The following P2RY4 variants were observed in gnomAD, a reference collection of about 807,000 sequenced individuals.
The protein encoded by P2RY4 is pyrimidinergic receptor P2Y4.
For missense variants in P2RY4, 291 were observed against 308.5 expected (o/e 0.94, Z 0.42); for synonymous variants, 121 against 131.6 (o/e 0.92, Z 0.55).
rs61616516 is a variant in P2RY4, at chrX:70,260,109, TGCCTACA to T, written c.-492_-486del. Among the ~76,000 whole-genome samples the T allele has an allele frequency of 2.3e-4, 26 of 111,882 alleles. No individual in the cohort carries two copies. Among genetic ancestry groups the T allele is most frequent in the African/African-American group, 7.8e-4 (24 of 30,783 alleles). On this transcript the variant is annotated 5_prime_UTR_variant, in exon 1 of 1. It introduces an in-frame stop codon into an upstream open reading frame of the 5' UTR. Coordinates refer to ENST00000374519, the MANE Select transcript of P2RY4 (RefSeq NM_002565.4). ...TACCTATGACACCTTCCCCACTGCC[TGCCTACA>T]GCCCAGGAGCCCCATTGCCACCCTT...
rs767883307 is a variant in P2RY4 at position 70,259,056 on chromosome X, C to T, written c.569G>A (p.Arg190Gln). 2.5e-6 allele frequency: 3 copies of T among 1,210,118 alleles called. No homozygotes were observed. The highest frequency in any genetic ancestry group is 1.8e-5 in the South Asian group (1 of 56,803). Reference protein sequence around the residue: ...GTTVLCHDTTRPEEFDHYVHF... With the variant: ...GTTVLCHDTTQPEEFDHYVHF... The stretch of plus-strand genomic sequence containing the variant: ...CACATAGTGGTCAAACTCTTCAGGC[C>T]GAGTGGTGTCATGGCACAGGACGGT... The change falls in exon 1 of 1, where the codon CGG becomes CAG. Residue 190 changes from arginine to glutamine, a missense_variant. Coordinates refer to ENST00000374519, the MANE Select transcript of P2RY4 (RefSeq NM_002565.4).
At position 70,259,472 on chromosome X, in the gene P2RY4, G is replaced by T. The variant is rs141499158; in HGVS notation, c.153C>A (p.Gly51=). The change falls in exon 1 of 1, where the codon GGC becomes GGA. Residue 51 remains glycine, a synonymous_variant. Coordinates refer to ENST00000374519, the MANE Select transcript of P2RY4 (RefSeq NM_002565.4). ...SYAVVFVLGL[G]LNAPTLWLFI... is the part of the protein sequence containing the mutation. ...AGAGCCATAGGGTTGGGGCGTTAAG[G>T]CCCAAGCCCAGCACAAAGACAACTG... is the stretch of plus-strand genomic sequence containing the variant. 3.5e-5 allele frequency: 42 copies of T among 1,209,898 alleles called. No individual in the cohort carries two copies. The African/African-American group carries it at 7.0e-4, about 20-fold the overall frequency.
rs2085582645 is a variant in P2RY4, at chrX:70,259,002, A to G, written c.623T>C (p.Leu208Pro). The part of the protein sequence containing the change: ...VHFSSAVMGL[L>P]FGVPCLVTLV... ...AGTGACCAGGCAGGGCACGCCAAAG[A>G]GCAGCCCCATGACCGCCGAGCTGAA... The change falls in exon 1 of 1, where the codon CTC becomes CCC. Residue 208 changes from leucine to proline, a missense_variant. Leu to Pro is a moderately conservative substitution (Grantham distance 98). Coordinates refer to ENST00000374519, the MANE Select transcript of P2RY4 (RefSeq NM_002565.4). The G allele has an allele frequency of 8.3e-7, 1 of 1,210,285 alleles. No homozygotes were observed. Among genetic ancestry groups the G allele is most frequent in the African/African-American group, 1.7e-5 (1 of 57,315 alleles).
Position 70,258,977 on chromosome X carries a change from A to AG in P2RY4, c.647dup (p.Leu217SerfsTer61). ...GAGCCATGAGTCCATAGCAAACAAG[A>AG]GTGACCAGGCAGGGCACGCCAAAGA... On this transcript the variant is annotated frameshift_variant, in exon 1 of 1. Transcript: ENST00000374519. LOFTEE classifies it low-confidence loss of function (END_TRUNC). 8.3e-7 allele frequency: 1 copy of AG among 1,211,743 alleles called. No individual in the cohort carries two copies. The highest frequency in any genetic ancestry group is 1.1e-6 in the Non-Finnish European group (1 of 895,361).
rs113723464 is a variant in P2RY4, at chrX:70,259,186, C to T, written c.439G>A (p.Gly147Ser). The change falls in exon 1 of 1, where the codon GGC becomes AGC. Residue 147 changes from glycine (G) to serine (S), a missense_variant. By Grantham distance (56) the Gly-to-Ser change is moderately conservative (BLOSUM62 0). Transcript: ENST00000374519. ...ICHPLRALRW[G>S]RPRLAGLLCL... The stretch of plus-strand genomic sequence containing the variant: ...AGAAGGCCTGCGAGGCGAGGGCGGC[C>T]CCAGCGTAGTGCCCGAAGTGGGTGG... 1 of 1,210,916 alleles carries T rather than the reference C, an allele frequency of 8.3e-7. No homozygotes were observed. The highest frequency in any genetic ancestry group is 1.7e-5 in the African/African-American group (1 of 57,448).
Position 70,258,481 on chromosome X carries a change from C to G in P2RY4, c.*46G>C. On this transcript the variant is annotated 3_prime_UTR_variant, in exon 1 of 1. Transcript: ENST00000374519. ...GTATCACTATTGGGTTCCCTCACCT[C>G]TGCCCTGCACTCATCCCCTTTTCTC... 8.8e-7 allele frequency: 1 copy of G among 1,142,042 alleles called. No individual in the cohort carries two copies. The highest frequency in any genetic ancestry group is 1.2e-6 in the Non-Finnish European group (1 of 856,635). 94.1% of individuals were successfully genotyped at this position (1,142,042 alleles called of 1,213,427 possible).
In P2RY4 at chrX:70,259,092, T is replaced by G. The variant is rs1152187; in HGVS notation, c.533A>C (p.Asn178Thr). The G allele has an allele frequency of 0.19, 229,107 of 1,209,145 alleles. 21,694 individuals carry two copies. The highest frequency in any genetic ancestry group is 0.66 in the African/African-American group (37,326 of 56,829). Residue 178 changes from asparagine (N) to threonine (T), a missense_variant, in exon 1 of 1, where the codon AAC (asparagine) becomes ACC (threonine). Asn to Thr is a moderately conservative substitution (Grantham distance 65). Coordinates refer to ENST00000374519, the MANE Select transcript of P2RY4 (RefSeq NM_002565.4). ...VPNLFFVTTSNKGTTVLCHDT... is the reference protein window; with the variant it reads ...VPNLFFVTTSTKGTTVLCHDT... ...ATGGCACAGGACGGTGGTCCCTTTG[T>G]TGCTGGTTGTGACAAAGAACAGGTT...
Position 70,259,221 on chromosome X carries a change from AG to A in P2RY4, c.403del (p.Leu135TrpfsTer29). ...FLTCISVHRY[L>X]GICHPLRALR... ...TGCCCGAAGTGGGTGGCAGATGCCC[AG>A]GTAGCGGTGCACGCTGATGCAGGTG... On this transcript the variant is annotated frameshift_variant, in exon 1 of 1. Transcript: ENST00000374519. LOFTEE classifies it low-confidence loss of function (END_TRUNC). 1 of 1,212,389 alleles carries A rather than the reference AG, an allele frequency of 8.2e-7. No homozygotes were observed. Among genetic ancestry groups the A allele is most frequent in the Non-Finnish European group, 1.1e-6 (1 of 895,584 alleles).
In P2RY4 at chrX:70,258,728, G is replaced by A; in HGVS notation, c.897C>T (p.Ser299=). 1 of 1,211,915 alleles carries A rather than the reference G, an allele frequency of 8.3e-7. No individual in the cohort carries two copies. The highest frequency in any genetic ancestry group is 1.1e-6 in the Non-Finnish European group (1 of 895,240). Residue 299 remains serine, a synonymous_variant, in exon 1 of 1, where the codon AGC becomes AGT. Coordinates refer to ENST00000374519, the MANE Select transcript of P2RY4 (RefSeq NM_002565.4). ...KVTRPLASAN[S]CLDPVLYLLT... Reference sequence around the variant, plus strand: ...GCAAGTAGAGCACAGGATCCAGGCAGCTGTTGGCACTGGCCAGGGGCCGAG... The same window carrying A: ...GCAAGTAGAGCACAGGATCCAGGCAACTGTTGGCACTGGCCAGGGGCCGAG...
In P2RY4 at chrX:70,259,260, C is replaced by T; in HGVS notation, c.365G>A (p.Ser122Asn). 8.2e-7 allele frequency: 1 copy of T among 1,212,447 alleles called. No homozygotes were observed. Among genetic ancestry groups the T allele is most frequent in the South Asian group, 1.8e-5 (1 of 57,022 alleles). ...GCTGATGCAGGTGAGGAAAAGGACA[C>T]TGCAGTAGAGGTTCCAATAGAAAAG... ...RFLFYWNLYC[S>N]VLFLTCISVH... The change falls in exon 1 of 1, where the codon AGT (serine) becomes AAT (asparagine). Residue 122 changes from serine to asparagine, a missense_variant. By Grantham distance (46) the Ser-to-Asn change is conservative. Coordinates refer to ENST00000374519, the MANE Select transcript of P2RY4 (RefSeq NM_002565.4).
At position 70,259,124 on chromosome X, in the gene P2RY4, G is replaced by T. The variant is rs760492184; in HGVS notation, c.501C>A (p.Leu167=). 11 of 1,212,139 alleles carry T rather than the reference G, an allele frequency of 9.1e-6. No individual in the cohort carries two copies. Among genetic ancestry groups the T allele is most frequent in the Non-Finnish European group, 1.2e-5 (11 of 895,621 alleles). ...TTGTGACAAAGAACAGGTTGGGCACGAGGCAGCCGGCTACGACCAACCAAA... is the reference window on the plus strand; with the variant it reads ...TTGTGACAAAGAACAGGTTGGGCACTAGGCAGCCGGCTACGACCAACCAAA... ...LAVWLVVAGC[L]VPNLFFVTTS... is the part of the protein sequence containing the mutation. The change falls in exon 1 of 1, where the codon CTC becomes CTA. Residue 167 remains leucine (L), a synonymous_variant. Coordinates refer to ENST00000374519, the MANE Select transcript of P2RY4 (RefSeq NM_002565.4).
Position 70,259,169 on chromosome X carries a change from T to A in P2RY4, c.456A>T (p.Ala152=), listed in dbSNP as rs145635919. 1.1e-3 allele frequency: 1,296 copies of A among 1,210,972 alleles called. 4 individuals carry two copies. Among genetic ancestry groups the A allele is most frequent in the Non-Finnish European group, 1.3e-3 (1,179 of 895,468 alleles). Residue 152 remains alanine (A), a synonymous_variant, in exon 1 of 1, where the codon GCA becomes GCT. Transcript: ENST00000374519. Reference sequence around the variant, plus strand: ...ACCAAACTGCCAGGCAGAGAAGGCCTGCGAGGCGAGGGCGGCCCCAGCGTA... The same window carrying A: ...ACCAAACTGCCAGGCAGAGAAGGCCAGCGAGGCGAGGGCGGCCCCAGCGTA... ...RALRWGRPRL[A]GLLCLAVWLV...
rs1452969840 is a variant in P2RY4 at position 70,259,209 on chromosome X, T to A, written c.416A>T (p.His139Leu). 2.5e-6 allele frequency: 3 copies of A among 1,210,954 alleles called. No homozygotes were observed. The African/African-American group carries it at 5.2e-5, about 21-fold the overall frequency. ...ISVHRYLGIC[H>L]PLRALRWGRP... The stretch of plus-strand genomic sequence containing the variant: ...GCCCCAGCGTAGTGCCCGAAGTGGG[T>A]GGCAGATGCCCAGGTAGCGGTGCAC... The change falls in exon 1 of 1, where the codon CAC becomes CTC. Residue 139 changes from histidine (H) to leucine (L), a missense_variant. Transcript: ENST00000374519.
rs1301897499 is a variant in P2RY4, at chrX:70,260,020, T to A, written c.-396A>T. Among the ~76,000 whole-genome samples the A allele has an allele frequency of 1.8e-5, 2 of 111,820 alleles. No individual in the cohort carries two copies. The highest frequency in any genetic ancestry group is 7.5e-4 in the South Asian group (2 of 2,660). ...CACAGCTATATCCCTGGAAGAGGAG[T>A]GTCTCTCCCCACAGTGCCTTCGCCT... On this transcript the variant is annotated 5_prime_UTR_variant, in exon 1 of 1. Transcript: ENST00000374519.
At position 70,258,620 on chromosome X, in the gene P2RY4, C is replaced by T. The variant is rs1035171285; in HGVS notation, c.1005G>A (p.Leu335=). ...KPQPRTAASS[L]ALVSLPEDSS... is the part of the protein sequence containing the mutation. ...TATCCTCAGGCAGGGACACTAGTGC[C>T]AGGGAAGAGGCAGCCGTGCGGGGCT... The change falls in exon 1 of 1, where the codon CTG becomes CTA. Residue 335 remains leucine, a synonymous_variant. Transcript: ENST00000374519. 6 of 1,210,756 alleles carry T rather than the reference C, an allele frequency of 5.0e-6. No individual in the cohort carries two copies. Among genetic ancestry groups the T allele is most frequent in the Non-Finnish European group, 6.7e-6 (6 of 895,315 alleles).
At position 70,258,582 on chromosome X, in the gene P2RY4, C is replaced by T. The variant is rs41310667; in HGVS notation, c.1043G>A (p.Trp348Ter). ...GCTACTGTCCTGGGGGGTGGCCGCC[C>T]ACCTGCAGCTGCTATCCTCAGGCAG... ...VSLPEDSSCR[W>*]AATPQDSSCS... Residue 348 changes from tryptophan (W) to a stop codon, truncating the protein, a stop_gained, in exon 1 of 1, where the codon TGG becomes TAG. Coordinates refer to ENST00000374519, the MANE Select transcript of P2RY4 (RefSeq NM_002565.4). LOFTEE classifies it low-confidence loss of function (END_TRUNC). 20,298 of 1,209,035 alleles carry T rather than the reference C, an allele frequency of 0.017. 159 individuals carry two copies. The highest frequency in any genetic ancestry group is 0.034 in the Middle Eastern group (147 of 4,345).
rs1373146134 is a variant in P2RY4 at position 70,259,331 on chromosome X, G to T, written c.294C>A (p.His98Gln). 1.6e-5 allele frequency: 19 copies of T among 1,212,064 alleles called. No individual in the cohort carries two copies. The highest frequency in any genetic ancestry group is 1.8e-5 in the Non-Finnish European group (16 of 895,374). ...LPTLIYYYAA[H>Q]NHWPFGTEIC... ...TCTCAGTGCCAAAGGGCCAGTGGTT[G>T]TGGGCTGCATAATAGTAGATGAGGG... The change falls in exon 1 of 1, where the codon CAC becomes CAA. Residue 98 changes from histidine (H) to glutamine (Q), a missense_variant. Coordinates refer to ENST00000374519, the MANE Select transcript of P2RY4 (RefSeq NM_002565.4).
In P2RY4 at chrX:70,258,703, G is replaced by A; in HGVS notation, c.922C>T (p.Leu308Phe). 1.7e-6 allele frequency: 2 copies of A among 1,211,780 alleles called. No homozygotes were observed. Among genetic ancestry groups the A allele is most frequent in the Non-Finnish European group, 2.2e-6 (2 of 895,283 alleles). Reference sequence around the variant, plus strand: ...TGACGTCGATATTTGTCCCCAGTGAGCAAGTAGAGCACAGGATCCAGGCAG... The same window carrying A: ...TGACGTCGATATTTGTCCCCAGTGAACAAGTAGAGCACAGGATCCAGGCAG... ...NSCLDPVLYL[L>F]TGDKYRRQLR... The change falls in exon 1 of 1, where the codon CTC becomes TTC. Residue 308 changes from leucine (L) to phenylalanine (F), a missense_variant. Transcript: ENST00000374519.
Position 70,258,915 on chromosome X carries a change from G to C in P2RY4, c.710C>G (p.Ser237Trp), listed in dbSNP as rs1050757083. ...GCGGAGAGAGCGGAGGCGAGAAGAC[G>C]ACTGTGCAGAGCCTGGCAAGGGCTG... ...LYQPLPGSAQ[S>W]SSRLRSLRTI... The change falls in exon 1 of 1, where the codon TCG becomes TGG. Residue 237 changes from serine (S) to tryptophan (W), a missense_variant. Ser to Trp is a radical substitution (Grantham distance 177). Transcript: ENST00000374519. 3.3e-6 allele frequency: 4 copies of C among 1,209,677 alleles called. No individual in the cohort carries two copies. Among genetic ancestry groups the C allele is most frequent in the Non-Finnish European group, 4.5e-6 (4 of 894,938 alleles).
Sources: allele counts gnomAD v4.1 joint callset (sites outside exome capture counted in the v4.1 genomes callset), GRCh38; gene constraint gnomAD v4.1.1; transcripts MANE v1.5; gene names NCBI Gene and HGNC (gene_info 2026-07-23, HGNC 2026-07-21).